The following AKAP9 variants were observed in gnomAD, a reference collection of about 807,000 sequenced individuals.
AKAP9 encodes A-kinase anchoring protein 9, also known as A-kinase anchor protein 9.
A neutral mutation model predicts 488.5 loss-of-function variants in AKAP9; 311 were observed. That is an observed-to-expected ratio of 0.64 (90% CI 0.58 to 0.70). AKAP9 has a LOEUF of 0.70. AKAP9 is among the 30% of genes least tolerant of loss of function. The pLI is 0.00. For missense variants in AKAP9, 4,215 were observed against 4,374.5 expected, an observed-to-expected ratio of 0.96 and a Z score of 1.03; for synonymous variants, 1,462 against 1,483.5, an observed-to-expected ratio of 0.99 and a Z score of 0.33.
Position 92,045,167 on chromosome 7 carries a change from A to G in AKAP9, c.5322A>G (p.Glu1774=), listed in dbSNP as rs746180319. 6.2e-7 allele frequency: 1 copy of G among 1,613,832 alleles called. No individual in the cohort carries two copies. Among genetic ancestry groups the G allele is most frequent in the South Asian group, 1.1e-5 (1 of 91,086 alleles). Residue 1774 remains glutamate, a synonymous_variant, in exon 21 of 50, where the codon GAA becomes GAG. Coordinates refer to ENST00000356239, the MANE Select transcript of AKAP9 (RefSeq NM_005751.5). The part of the protein sequence containing the change: ...QSSASLIWRS[E]AEASVKSCVH... ...CTGCCAGCCTAATTTGGAGGTCAGA[A>G]GCAGAGGCATCTGTAAAGTCATGTG... is the stretch of plus-strand genomic sequence containing the variant.
In AKAP9 at chr7:92,086,300, G is replaced by A. The variant is rs1814550174; in HGVS notation, c.9097G>A (p.Val3033Ile). ...RGELLLALQQ[V>I]FLEERSVLLA... ...TGAACTACTGCTTGCCCTTCAACAA[G>A]TTTTCTTAGAAGAGCGTAGTGTTTT... The change falls in exon 37 of 50, where the codon GTT (valine) becomes ATT (isoleucine). Residue 3033 changes from valine to isoleucine, a missense_variant. Around this residue, in one of 5 missense-constraint regions of AKAP9, gnomAD observed 1,476 missense variants for 1,477.4 expected, o/e 1.00. Transcript: ENST00000356239. 1 of 1,613,972 alleles carries A rather than the reference G, an allele frequency of 6.2e-7. No individual in the cohort carries two copies. The highest frequency in any genetic ancestry group is 1.7e-5 in the Admixed American group (1 of 59,982).
intron 14 of AKAP9, among the ~76,000 whole-genome samples, chr7:92,023,864 G>A (rs1001890757): frequency 6.6e-6 from 1 of 151,840 alleles, no homozygotes; most frequent in African/African-American, 2.4e-5. Flanking sequence ...TCTGCTTTAG[G>A]GACTTCTCAT....
chr7:92,038,098 T>C (rs1160522569), intron 16 of AKAP9, among the ~76,000 whole-genome samples: 2 of 152,180 alleles, frequency 1.3e-5, no homozygotes, highest in African/African-American at 2.4e-5. Context: ...TTCACTAAAA[T>C]GTTTACATTG....
chr7:92,035,530 A>G (rs756454493), intron 16 of AKAP9, among the ~76,000 whole-genome samples: 1 of 152,176 alleles, frequency 6.6e-6, no homozygotes, highest in Non-Finnish European at 1.5e-5. Flanking sequence ...ACATACAACG[A>G]ATTTTATGTT....
At position 92,061,395 on chromosome 7, in the gene AKAP9, C is replaced by G. The variant is rs769085707; in HGVS notation, c.5737C>G (p.Leu1913Val). The change falls in exon 23 of 50, where the codon CTA becomes GTA. Residue 1913 changes from leucine (L) to valine (V), a missense_variant. Physicochemically the swap from Leu to Val is conservative, Grantham distance 32 (BLOSUM62 1). This residue lies in a region of AKAP9 where 2,361 missense variants were observed against 2,430.0 expected (regional missense o/e 0.97). Coordinates refer to ENST00000356239, the MANE Select transcript of AKAP9 (RefSeq NM_005751.5). ...LHEESRAREQLAVELSKAEGV... is the reference protein window; with the variant it reads ...LHEESRAREQVAVELSKAEGV... ...TGAGGAGTCCAGGGCCAGAGAACAG[C>G]TAGCTGTGGAGCTCAGTAAGGCTGA... 49 of 1,612,586 alleles carry G rather than the reference C, an allele frequency of 3.0e-5. No homozygotes were observed. The Admixed American group carries it at 3.8e-4, about 13-fold the overall frequency.
chr7:92,074,672 C>T (rs1047068914), intron 28 of AKAP9, among the ~76,000 whole-genome samples: 1 of 152,112 alleles, frequency 6.6e-6, no homozygotes, highest in Non-Finnish European at 1.5e-5. Context: ...CCATGGAATA[C>T]TATGAAGCCA....
At position 91,955,949 on chromosome 7, in the gene AKAP9, T is replaced by A. The variant is rs369225257; in HGVS notation, c.48+14802T>A. ...CACCCAACCGCCTTGAATTTTTTTC[T>A]AAGTTTACTTTTTATTTTCAAAAAA... On this transcript the variant is annotated intron_variant, in intron 1 of 49. Transcript: ENST00000356239. Among the ~76,000 whole-genome samples the A allele has an allele frequency of 9.4e-4, 143 of 152,324 alleles. 1 individual carries two copies. In the South Asian group the frequency reaches 0.029, roughly 31 times the overall value.
intron 21 of AKAP9, among the ~76,000 whole-genome samples, chr7:92,046,490 CT>C (rs935108980): frequency 2.6e-5 from 4 of 152,192 alleles, no homozygotes; most frequent in Non-Finnish European, 5.9e-5. Context: ...CAGAGAAAAG[CT>C]TGATTTGGAA....
chr7:92,006,524 A>C (rs1799885878), intron 8 of AKAP9, among the ~76,000 whole-genome samples: 1 of 152,210 alleles, frequency 6.6e-6, no homozygotes, highest in Non-Finnish European at 1.5e-5. Flanking sequence ...TCTATTTGAC[A>C]TTGACTACAT....
intron 26 of AKAP9, among the ~76,000 whole-genome samples, chr7:92,069,120 C>G (rs1406348025): frequency 6.6e-6 from 1 of 152,128 alleles, no homozygotes; most frequent in Non-Finnish European, 1.5e-5. Flanking sequence ...CCTCTCACAC[C>G]CCTTCATCCT....
At chr7:92,007,976 G>A (rs1206687116) in intron 8 of AKAP9, among the ~76,000 whole-genome samples, 1 of 152,170 alleles carries the variant, frequency 6.6e-6, no homozygotes, top group Non-Finnish European at 1.5e-5. Context: ...CTTAAGAAAA[G>A]TAAAAAGAAG....
chr7:92,050,829 A>C (rs55784426), intron 21 of AKAP9, among the ~76,000 whole-genome samples: 5,240 of 151,394 alleles, frequency 0.035, 264 homozygotes, highest in African/African-American at 0.12. Flanking sequence ...TTTCATCCCT[A>C]CTCTGTATAC....
chr7:92,087,463 A>G (rs546036740), intron 37 of AKAP9, among the ~76,000 whole-genome samples: 1 of 152,338 alleles, frequency 6.6e-6, no homozygotes, highest in South Asian at 2.1e-4. Context: ...AAATGGACAG[A>G]TTTTCTAAAA....
chr7:92,012,585 A>G lies in AKAP9; in HGVS notation c.3475A>G (p.Lys1159Glu). Residue 1159 changes from lysine (K) to glutamate (E), a missense_variant, in exon 9 of 50, where the codon AAG becomes GAG. By Grantham distance (56) the Lys-to-Glu change is moderately conservative (BLOSUM62 1). Coordinates refer to ENST00000356239, the MANE Select transcript of AKAP9 (RefSeq NM_005751.5). ...ELIFAQEEKI[K>E]ELQKIHQLEL... ...TATTTTTGCTCAAGAGGAAAAGATC[A>G]AGGAACTTCAGAAAATACACCAGTT... 1.2e-6 allele frequency: 2 copies of G among 1,613,714 alleles called. No individual in the cohort carries two copies. Among genetic ancestry groups the G allele is most frequent in the Non-Finnish European group, 8.5e-7 (1 of 1,179,818 alleles).
chr7:91,970,458 G>GT (rs1350007082), intron 1 of AKAP9: 2 of 456,528 alleles, frequency 4.4e-6, no homozygotes, highest in East Asian at 7.0e-5. Flanking sequence ...TCACATTAGT[G>GT]TTTTTTTCTT....
At chr7:92,034,498 A>ATTTTTTTTT (rs59961119) in intron 16 of AKAP9, among the ~76,000 whole-genome samples, 3 of 95,456 alleles carry the variant, frequency 3.1e-5, no homozygotes, top group Non-Finnish European at 6.0e-5. Context: ...ATATATATAT[A>ATTTTTTTTT]TTTTTTTTTT....
intron 9 of AKAP9, 142 bp downstream of exon 9, chr7:92,012,784 C>A: frequency 1.5e-6 from 1 of 668,394 alleles, no homozygotes; most frequent in Non-Finnish European, 2.5e-6. Context: ...ACTAGACATT[C>A]ATTTAAGTGC....
intron 3 of AKAP9, among the ~76,000 whole-genome samples, chr7:91,982,183 G>A (rs528217794): frequency 1.9e-4 from 28 of 147,696 alleles, no homozygotes; most frequent in African/African-American, 7.2e-4. Context: ...ATGTATGTAT[G>A]TATGTATGTA....
At chr7:92,073,440 A>G (rs1812063867) in intron 28 of AKAP9, among the ~76,000 whole-genome samples, 1 of 151,932 alleles carries the variant, frequency 6.6e-6, no homozygotes, top group African/African-American at 2.4e-5. Flanking sequence ...CGGGAGGCAG[A>G]GCTTGCAGTG....
Sources: allele counts gnomAD v4.1 joint callset (sites outside exome capture counted in the v4.1 genomes callset), GRCh38; gene constraint gnomAD v4.1.1; regional missense constraint gnomAD v4.1.1; transcripts MANE v1.5; gene names NCBI Gene and HGNC (gene_info 2026-07-23, HGNC 2026-07-21).